EIF3CL: variants seen among roughly 807,000 people sequenced by gnomAD.
The protein encoded by EIF3CL is eukaryotic translation initiation factor 3 subunit C like, also known as eukaryotic translation initiation factor 3 subunit C-like protein.
For missense variants in EIF3CL, 5 were observed against 56.1 expected, an observed-to-expected ratio of 0.09 and a Z score of 2.91; for synonymous variants, 2 against 19.6, an observed-to-expected ratio of 0.10 and a Z score of 2.37.
At chr16:28,416,782 A>C in the EIF3CL span, among the ~76,000 whole-genome samples, 1 of 95,976 alleles carries the variant, frequency 1.0e-5, no homozygotes, top group African/African-American at 3.8e-5. Flanking sequence ...CCACCCGGCC[A>C]GCCGCCCCGT....
upstream of EIF3CL, among the ~76,000 whole-genome samples, chr16:28,408,187 G>A (rs1366259944): frequency 3.5e-5 from 1 of 28,496 alleles, no homozygotes; most frequent in African/African-American, 1.4e-4. Context: ...CTGGGCGACA[G>A]AGCAAGACCT....
chr16:28,426,007 G>A, the EIF3CL span, among the ~76,000 whole-genome samples: 1 of 111,194 alleles, frequency 9.0e-6, no homozygotes, highest in Non-Finnish European at 2.0e-5. Flanking sequence ...GCTTGAACCC[G>A]GGAAGCAGAG....
At chr16:28,413,736 A>G in the EIF3CL span, 3 of 200,378 alleles carry the variant, frequency 1.5e-5, no homozygotes, top group Non-Finnish European at 2.8e-5. Flanking sequence ...CTCACTGAGA[A>G]CCACTGTTCA....
At chr16:28,418,728 C>G in the EIF3CL span, among the ~76,000 whole-genome samples, 1 of 151,732 alleles carries the variant, frequency 6.6e-6, no homozygotes, top group Non-Finnish European at 1.5e-5. Context: ...CTCCCAGGTT[C>G]AAGGGATTCT....
the EIF3CL span, among the ~76,000 whole-genome samples, chr16:28,422,391 ACCAAG>A: frequency 9.6e-6 from 1 of 104,618 alleles, no homozygotes; most frequent in South Asian, 2.9e-4. Flanking sequence ...GGTGCCCACC[ACCAAG>A]CCTGGCTAAT....
chr16:28,414,489 T>C, the EIF3CL span: 2 of 255,090 alleles, frequency 7.8e-6, no homozygotes, highest in Admixed American at 5.7e-5. Context: ...GGTGTGCTGA[T>C]CTAGAGGTGC....
the EIF3CL span, among the ~76,000 whole-genome samples, chr16:28,417,162 C>T: frequency 2.1e-5 from 3 of 142,434 alleles, no homozygotes; most frequent in Non-Finnish European, 3.1e-5. Flanking sequence ...GCCCCCCGCC[C>T]GGCCAGCCGC....
In EIF3CL at chr16:28,391,974, C is replaced by T; in HGVS notation, c.939+6G>A. 2.7e-6 allele frequency: 2 copies of T among 745,720 alleles called. 1 individual carries two copies. Among genetic ancestry groups the T allele is most frequent in the South Asian group, 3.0e-5 (2 of 66,004 alleles). 46.2% of individuals were successfully genotyped at this position (745,720 alleles called of 1,614,324 possible). The stretch of plus-strand genomic sequence containing the variant: ...CCCCAATTCATTTTACCTCTGAAAC[C>T]CTCACCTTAACCAACGGCACTCCGC... On this transcript the variant is annotated splice_donor_region_variant and intron_variant, in intron 9 of 20. Transcript: ENST00000380876.
chr16:28,416,748 G>A, the EIF3CL span, among the ~76,000 whole-genome samples: 1 of 115,492 alleles, frequency 8.7e-6, no homozygotes, highest in African/African-American at 3.1e-5. Flanking sequence ...CCGTCCGGGA[G>A]GGAGGTGGGG....
upstream of EIF3CL, among the ~76,000 whole-genome samples, chr16:28,408,260 A>G (rs1429949199): frequency 9.3e-6 from 1 of 106,978 alleles, no homozygotes; most frequent in Non-Finnish European, 1.9e-5. Flanking sequence ...CTAGTAATTT[A>G]CCTAATAATT....
At chr16:28,419,775 GACT>G in the EIF3CL span, among the ~76,000 whole-genome samples, 3 of 5,720 alleles carry the variant, frequency 5.2e-4, no homozygotes, top group African/African-American at 1.8e-3. Context: ...CCAGGCGAGA[GACT>G]ACAACTCTTC....
the EIF3CL span, among the ~76,000 whole-genome samples, chr16:28,418,916 C>A: frequency 6.8e-6 from 1 of 146,744 alleles, no homozygotes; most frequent in Non-Finnish European, 1.5e-5. Context: ...AGGCCTGAGC[C>A]ACCCCACCTG....
chr16:28,417,259 G>A, the EIF3CL span, among the ~76,000 whole-genome samples: 2 of 149,222 alleles, frequency 1.3e-5, no homozygotes, highest in African/African-American at 2.5e-5. Context: ...CTGCCCGGCC[G>A]CCCCTACTGG....
At chr16:28,415,775 C>G in the EIF3CL span, among the ~76,000 whole-genome samples, 47 of 136,268 alleles carry the variant, frequency 3.4e-4, 3 homozygotes, top group South Asian at 1.1e-3. Flanking sequence ...GGAGGATTCA[C>G]ATTTCCTATT....
chr16:28,415,313 G>A, the EIF3CL span, among the ~76,000 whole-genome samples: 1 of 79,848 alleles, frequency 1.3e-5, no homozygotes, highest in Non-Finnish European at 2.3e-5. Flanking sequence ...AGGTCGCCAG[G>A]CTGGTCCGCC....
chr16:28,403,006 A>G (rs1567241225), intron 2 of EIF3CL, among the ~76,000 whole-genome samples: 1 of 106,084 alleles, frequency 9.4e-6, no homozygotes, highest in Non-Finnish European at 2.2e-5. Context: ...AAACCATTCT[A>G]TTGTTCCAAA....
At chr16:28,415,390 C>A in the EIF3CL span, among the ~76,000 whole-genome samples, 1 of 123,826 alleles carries the variant, frequency 8.1e-6, no homozygotes, top group South Asian at 2.4e-4. Context: ...CACTGTTCAT[C>A]TGCTGTCTGT....
At chr16:28,421,920 T>C in the EIF3CL span, among the ~76,000 whole-genome samples, 1 of 87,526 alleles carries the variant, frequency 1.1e-5, no homozygotes, top group East Asian at 3.9e-4. Context: ...TCAATTTCAC[T>C]GAAGTCCTAA....
chr16:28,391,600 CAAG>C lies in EIF3CL; in HGVS notation c.1043+149_1043+151del, dbSNP rs1371364011. 3.3e-5 allele frequency: 8 copies of C among 239,682 alleles called. 2 individuals carry two copies. The highest frequency in any genetic ancestry group is 5.2e-5 in the Non-Finnish European group (7 of 134,442). The allele number at this position is 239,682 out of a possible 1,614,324, so 14.8% of individuals were successfully genotyped here. On this transcript the variant is annotated intron_variant, in intron 10 of 20. Transcript: ENST00000380876. Reference sequence around the variant, plus strand: ...ACGTTAAGTGATTGGTTTTAAGTCACAAGAAGAGTAAACAGCAGATAATGGACG... The same window carrying C: ...ACGTTAAGTGATTGGTTTTAAGTCACAAGAGTAAACAGCAGATAATGGACG...
Sources: gnomAD v4.1 joint callset for allele counts (sites outside exome capture counted in the v4.1 genomes callset) on GRCh38, gnomAD v4.1.1 for gene constraint, MANE v1.5 for transcripts, NCBI Gene and HGNC (gene_info 2026-07-23, HGNC 2026-07-21) for gene names.